NUP188: variants seen among roughly 807,000 people sequenced by gnomAD.
The protein encoded by NUP188 is nucleoporin 188, also known as nucleoporin NUP188.
Under a neutral mutation model 223.0 loss-of-function variants are expected in NUP188, and 97 were observed. The observed-to-expected ratio is 0.43, with a 90% CI of 0.37 to 0.51. The LOEUF is 0.51. Among genes scored for constraint, NUP188 ranks in the 20% least tolerant of loss-of-function variants. The pLI is 0.00. For synonymous variants in NUP188, 869 were observed against 828.0 expected (o/e 1.05, Z -0.85); for missense variants, 1,947 against 2,175.6 (o/e 0.89, Z 2.09).
Position 128,976,950 on chromosome 9 carries a change from C to T in NUP188, c.1204-2312C>T, listed in dbSNP as rs566039494. ...AAAGTTAACTGAGTGTGGTGGCGCG[C>T]ACGTGTAGTCCCAGCTACTCAGGAG... On this transcript the variant is annotated intron_variant, in intron 12 of 43. Coordinates refer to ENST00000372577, the MANE Select transcript of NUP188 (RefSeq NM_015354.3). Among the ~76,000 whole-genome samples the T allele has an allele frequency of 1.4e-4, 22 of 151,954 alleles. No homozygotes were observed. In the South Asian group the frequency reaches 3.9e-3, roughly 27 times the overall value.
intron 31 of NUP188, 51 bp from the exon 32 acceptor site, chr9:128,998,487 G>T: frequency 6.7e-7 from 1 of 1,487,128 alleles, no homozygotes; most frequent in East Asian, 2.3e-5. Flanking sequence ...CCCTGTGGAT[G>T]GCATGCGAAT....
intron 1 of NUP188, 67 bp from the exon 2 acceptor site, chr9:128,949,122 T>C: frequency 6.0e-6 from 7 of 1,158,402 alleles, no homozygotes; most frequent in Non-Finnish European, 9.0e-6. Flanking sequence ...ACAAAATGGC[T>C]ATGAGGCAGT....
chr9:128,978,838 T>C (rs1349105185), intron 12 of NUP188, among the ~76,000 whole-genome samples: 1 of 152,014 alleles, frequency 6.6e-6, no homozygotes, highest in Non-Finnish European at 1.5e-5. Context: ...GCCACTCAAG[T>C]AGCTGGGATT....
At chr9:128,973,437 T>G (rs1842129886) in intron 12 of NUP188, among the ~76,000 whole-genome samples, 188 bp downstream of exon 12, 1 of 152,106 alleles carries the variant, frequency 6.6e-6, no homozygotes, top group African/African-American at 2.4e-5. Context: ...GGCTGGAGTG[T>G]GGTGGCACGA....
intron 9 of NUP188, 128 bp downstream of exon 9, chr9:128,968,845 G>A (rs950763390): frequency 1.3e-5 from 9 of 679,574 alleles, no homozygotes; most frequent in African/African-American, 1.1e-4. Context: ...CTACTGCCAC[G>A]TTCCCTTTCA....
At position 128,999,688 on chromosome 9, in the gene NUP188, G is replaced by C; in HGVS notation, c.3726G>C (p.Val1242=). ...LNVCETLQEE[V]IALFDQTRHS... is the part of the protein sequence containing the mutation. ...TCTGTGAGACCCTCCAAGAGGAAGT[G>C]ATTGCACTCTTCGACCAGACCCGCC... The change falls in exon 34 of 44, where the codon GTG becomes GTC. Residue 1242 remains valine, a synonymous_variant. Transcript: ENST00000372577. The C allele has an allele frequency of 6.2e-7, 1 of 1,614,132 alleles. No individual in the cohort carries two copies. The highest frequency in any genetic ancestry group is 8.5e-7 in the Non-Finnish European group (1 of 1,180,026).
intron 24 of NUP188, among the ~76,000 whole-genome samples, chr9:128,988,841 C>G (rs1241828016): frequency 1.3e-5 from 2 of 149,530 alleles, no homozygotes; most frequent in African/African-American, 4.9e-5. Context: ...ATCCTCCTGC[C>G]TCAGCTTCCC....
chr9:129,003,544 G>T, intron 38 of NUP188, 90 bp downstream of exon 38: 1 of 1,445,736 alleles, frequency 6.9e-7, no homozygotes, highest in Non-Finnish European at 9.6e-7. Flanking sequence ...CTAGTGAATT[G>T]CAGGATGTTC....
At chr9:128,985,180 A>G in intron 20 of NUP188, 166 bp downstream of exon 20, 1 of 561,902 alleles carries the variant, frequency 1.8e-6, no homozygotes, top group Non-Finnish European at 3.2e-6. Context: ...TTGAGTACCT[A>G]GTATGTGCCA....
intron 2 of NUP188, among the ~76,000 whole-genome samples, chr9:128,952,009 T>G (rs1588266957): frequency 6.6e-6 from 1 of 152,100 alleles, no homozygotes; most frequent in Admixed American, 6.6e-5. Flanking sequence ...GTCAGGCTGG[T>G]CTCCAACTCC....
At chr9:128,988,492 G>A (rs1842369354) in intron 24 of NUP188, among the ~76,000 whole-genome samples, 1 of 152,120 alleles carries the variant, frequency 6.6e-6, no homozygotes, top group South Asian at 2.1e-4. Context: ...AAACAACTCT[G>A]CCTCTGATTT....
chr9:128,956,664 A>G (rs1841875760), intron 4 of NUP188, among the ~76,000 whole-genome samples: 1 of 152,162 alleles, frequency 6.6e-6, no homozygotes, highest in Admixed American at 6.6e-5. Context: ...CTTTAAGGTG[A>G]CTAAGTTTGT....
intron 30 of NUP188, 111 bp downstream of exon 30, chr9:128,995,625 T>C: frequency 6.3e-6 from 6 of 959,240 alleles, no homozygotes; most frequent in Non-Finnish European, 9.4e-6. Flanking sequence ...GGTTTATCCC[T>C]GAGAGCTAAA....
At chr9:128,987,082 AGAGAGAGT>A (rs1336902139) in intron 22 of NUP188, among the ~76,000 whole-genome samples, 6 of 131,766 alleles carry the variant, frequency 4.6e-5, no homozygotes, top group African/African-American at 1.8e-4. Context: ...AGAGAGAGAG[AGAGAGAGT>A]GTGTGTGTGT....
intron 30 of NUP188, among the ~76,000 whole-genome samples, chr9:128,996,006 C>G (rs1396686893): frequency 6.6e-6 from 1 of 152,182 alleles, no homozygotes; most frequent in African/African-American, 2.4e-5. Context: ...TCTCTGTACT[C>G]TGTCTACTGG....
At chr9:128,964,706 A>ATTTT (rs112671736) in intron 8 of NUP188, among the ~76,000 whole-genome samples, 3 of 129,462 alleles carry the variant, frequency 2.3e-5, no homozygotes, top group Non-Finnish European at 3.3e-5. Flanking sequence ...TTTAATTTTA[A>ATTTT]TTTTTTTTTT....
intron 8 of NUP188, among the ~76,000 whole-genome samples, chr9:128,964,768 C>T (rs1481565629): frequency 6.7e-6 from 1 of 149,272 alleles, no homozygotes; most frequent in Non-Finnish European, 1.5e-5. Context: ...TGCAGTGGCA[C>T]GATGTTGGCT....
chr9:128,991,075 A>G (rs1297829429), intron 25 of NUP188, among the ~76,000 whole-genome samples: 1 of 152,188 alleles, frequency 6.6e-6, no homozygotes, highest in East Asian at 1.9e-4. Flanking sequence ...AATGTTACAA[A>G]TAGATGTAAC....
Position 129,005,526 on chromosome 9 carries a change from A to G in NUP188, c.4733A>G (p.Asp1578Gly), listed in dbSNP as rs771520707. 3 of 1,607,834 alleles carry G rather than the reference A, an allele frequency of 1.9e-6. No homozygotes were observed. The highest frequency in any genetic ancestry group is 4.5e-5 in the East Asian group (2 of 44,874). The change falls in exon 40 of 44, where the codon GAT becomes GGT. Residue 1578 changes from aspartate to glycine, a missense_variant. Physicochemically the swap from Asp to Gly is moderately conservative, Grantham distance 94. Around this residue, in one of 3 missense-constraint regions of NUP188, gnomAD observed 905 missense variants for 990.6 expected, o/e 0.91. Transcript: ENST00000372577. ...FTPDVCQILL[D>G]QSLDLAEYNF... ...CCAGATGTCTGCCAGATTCTGCTGG[A>G]TCAGGTACTGCCCATCATCTGTTCA...
Sources: allele counts gnomAD v4.1 joint callset (sites outside exome capture counted in the v4.1 genomes callset), GRCh38; gene constraint gnomAD v4.1.1; regional missense constraint gnomAD v4.1.1; transcripts MANE v1.5; gene names NCBI Gene and HGNC (gene_info 2026-07-23, HGNC 2026-07-21).